Variants in CCDC141 observed in about 807,000 individuals in gnomAD.
CCDC141 encodes coiled-coil domain containing 141.
CCDC141 carries 168 observed loss-of-function variants against 181.0 expected under a neutral mutation model. The ratio of observed to expected loss-of-function variants is 0.93; its 90% CI spans 0.82 to 1.05. CCDC141 has a LOEUF of 1.05. CCDC141 is among the 50% of genes least tolerant of loss of function. The pLI is 0.00. For missense variants in CCDC141, 1,902 were observed against 1,788.5 expected, an observed-to-expected ratio of 1.06 and a Z score of -1.14; for synonymous variants, 666 against 642.3, an observed-to-expected ratio of 1.04 and a Z score of -0.56.
chr2:178,912,292 A>G (rs1414999255), intron 7 of CCDC141, among the ~76,000 whole-genome samples: 3 of 152,206 alleles, frequency 2.0e-5, no homozygotes, highest in Non-Finnish European at 4.4e-5. Context: ...AGAGAAACCA[A>G]TTAATACACT....
At chr2:178,967,730 A>G (rs983262668) in intron 4 of CCDC141, among the ~76,000 whole-genome samples, 1 of 152,228 alleles carries the variant, frequency 6.6e-6, no homozygotes, top group African/African-American at 2.4e-5. Flanking sequence ...GATCAAATTC[A>G]CACATAACAA....
chr2:178,984,848 C>A (rs1691641072), intron 2 of CCDC141, among the ~76,000 whole-genome samples: 1 of 152,030 alleles, frequency 6.6e-6, no homozygotes, highest in African/African-American at 2.4e-5. Flanking sequence ...GAGACTTAGA[C>A]TCCCACACAT....
chr2:178,968,042 C>T (rs529974579), intron 4 of CCDC141, among the ~76,000 whole-genome samples: 1 of 152,240 alleles, frequency 6.6e-6, no homozygotes, highest in African/African-American at 2.4e-5. Context: ...GCTAACTATC[C>T]TAAATATACA....
chr2:178,930,419 A>G (rs1040422077), intron 6 of CCDC141, among the ~76,000 whole-genome samples: 1 of 152,248 alleles, frequency 6.6e-6, no homozygotes. Flanking sequence ...CCCTATCAGA[A>G]TCTCACTGGC....
At chr2:178,979,109 G>A (rs1691251852) in intron 2 of CCDC141, among the ~76,000 whole-genome samples, 1 of 152,186 alleles carries the variant, frequency 6.6e-6, no homozygotes, top group African/African-American at 2.4e-5. Context: ...ATATGACCGT[G>A]ACGATTAATG....
chr2:178,868,744 A>G (rs1460122780), intron 15 of CCDC141, among the ~76,000 whole-genome samples: 1 of 152,198 alleles, frequency 6.6e-6, no homozygotes, highest in African/African-American at 2.4e-5. Context: ...GTAAAATGCA[A>G]GATATGTGGA....
intron 7 of CCDC141, among the ~76,000 whole-genome samples, chr2:178,912,927 C>A (rs768049773): frequency 6.6e-6 from 1 of 152,192 alleles, no homozygotes; most frequent in East Asian, 1.9e-4. Context: ...TCAGTGATCA[C>A]CTCCTCTGGG....
intron 2 of CCDC141, among the ~76,000 whole-genome samples, chr2:179,038,771 G>C (rs2043212616): frequency 6.6e-6 from 1 of 152,160 alleles, no homozygotes; most frequent in Non-Finnish European, 1.5e-5. Flanking sequence ...AGTCAAATTA[G>C]AGGTGAAATT....
intron 5 of CCDC141, among the ~76,000 whole-genome samples, chr2:178,954,586 A>T (rs1690082146): frequency 6.6e-6 from 1 of 152,232 alleles, no homozygotes; most frequent in Non-Finnish European, 1.5e-5. Flanking sequence ...ATTAGGCCAC[A>T]GCACTTAGAA....
chr2:178,918,690 T>G, intron 7 of CCDC141, 23 bp downstream of exon 7: 2 of 1,541,154 alleles, frequency 1.3e-6, no homozygotes, highest in Non-Finnish European at 1.8e-6. Context: ...TACCGAAAAT[T>G]ATCAACTTGA....
chr2:178,837,355 C>CTCAAAATG lies in CCDC141; in HGVS notation c.3856_3863dup (p.Glu1288AspfsTer16), dbSNP rs778886484. The CTCAAAATG allele has an allele frequency of 1.9e-6, 3 of 1,614,092 alleles. No homozygotes were observed. The highest frequency in any genetic ancestry group is 2.5e-6 in the Non-Finnish European group (3 of 1,179,970). On this transcript the variant is annotated frameshift_variant, in exon 23 of 24. Transcript: ENST00000443758. LOFTEE classifies it high-confidence loss of function. ...CAGCTTTGAACTGGAGGTAAGGCCT[C>CTCAAAATG]TCAAAATGACTTGAAAATGTTTCTC...
chr2:179,002,994 T>A (rs1314810249), intron 2 of CCDC141, among the ~76,000 whole-genome samples: 2 of 152,156 alleles, frequency 1.3e-5, no homozygotes, highest in Admixed American at 1.3e-4. Context: ...AGTAGAGCAA[T>A]TACTCATTTA....
At chr2:178,922,521 G>A (rs1688737107) in intron 6 of CCDC141, among the ~76,000 whole-genome samples, 1 of 152,150 alleles carries the variant, frequency 6.6e-6, no homozygotes, top group Non-Finnish European at 1.5e-5. Flanking sequence ...CCTCGGAGGT[G>A]ATAAAAATCT....
At chr2:178,993,667 C>T (rs548719251) in intron 2 of CCDC141, among the ~76,000 whole-genome samples, 1 of 152,286 alleles carries the variant, frequency 6.6e-6, no homozygotes, top group African/African-American at 2.4e-5. Context: ...AAAGTCTTAA[C>T]TCATTTCAGC....
chr2:178,981,730 T>A (rs1388798159), intron 2 of CCDC141, among the ~76,000 whole-genome samples: 18 of 143,606 alleles, frequency 1.3e-4, no homozygotes, highest in African/African-American at 4.6e-4. Flanking sequence ...GTCTTCTGAG[T>A]TTTTACCATA....
At chr2:178,839,580 C>CTAA (rs1561623857) in intron 22 of CCDC141, among the ~76,000 whole-genome samples, 1 of 9,670 alleles carries the variant, frequency 1.0e-4, no homozygotes, top group South Asian at 5.7e-3. Flanking sequence ...AACTTCGTCT[C>CTAA]CAAAAAAAAA....
At chr2:178,891,456 G>T (rs1478970706) in intron 8 of CCDC141, among the ~76,000 whole-genome samples, 2 of 152,070 alleles carry the variant, frequency 1.3e-5, no homozygotes, top group Non-Finnish European at 1.5e-5. Context: ...CATGATGTGG[G>T]GTAGGGAGTA....
intron 7 of CCDC141, among the ~76,000 whole-genome samples, chr2:178,907,400 T>C (rs1455277880): frequency 6.6e-6 from 1 of 152,226 alleles, no homozygotes; most frequent in Non-Finnish European, 1.5e-5. Context: ...TGTGGTGCCA[T>C]GTGGCAAAAG....
chr2:179,014,395 T>C (rs1420796195), intron 2 of CCDC141, among the ~76,000 whole-genome samples: 18 of 152,012 alleles, frequency 1.2e-4, no homozygotes, highest in Non-Finnish European at 4.4e-5. Flanking sequence ...CAAAAGCAAA[T>C]GCAATAAAAA....
Sources: gnomAD v4.1 joint callset for allele counts (sites outside exome capture counted in the v4.1 genomes callset) on GRCh38, gnomAD v4.1.1 for gene constraint, MANE v1.5 for transcripts, NCBI Gene and HGNC (gene_info 2026-07-23, HGNC 2026-07-21) for gene names.